Variants in SCFD1 observed in about 807,000 individuals in gnomAD.
SCFD1 encodes the protein sec1 family domain-containing protein 1.
Under a neutral mutation model 103.2 loss-of-function variants are expected in SCFD1, and 37 were observed. That is an observed-to-expected ratio of 0.36 (90% CI 0.28 to 0.47). The LOEUF is 0.47. SCFD1 is among the 20% of genes least tolerant of loss of function. The pLI, the probability that SCFD1 is intolerant of heterozygous loss-of-function variation, is 1.00. For missense variants in SCFD1, 639 were observed against 761.2 expected (o/e 0.84, Z 1.89); for synonymous variants, 264 against 245.0 (o/e 1.08, Z -0.73).
At chr14:30,678,980 C>A (rs17097085) in intron 14 of SCFD1, among the ~76,000 whole-genome samples, 7,466 of 152,260 alleles carry the variant, frequency 0.049, 254 homozygotes, top group African/African-American at 0.08. Context: ...GCAATGCTAG[C>A]TTTTCACTAG....
intron 14 of SCFD1, 80 bp from the exon 15 acceptor site, chr14:30,694,693 A>G: frequency 6.9e-7 from 1 of 1,455,848 alleles, no homozygotes; most frequent in East Asian, 2.7e-5. Context: ...ATCATAGAAA[A>G]TAGAAACTTA....
intron 15 of SCFD1, among the ~76,000 whole-genome samples, chr14:30,698,916 C>T (rs369836872): frequency 2.8e-4 from 42 of 152,262 alleles, no homozygotes; most frequent in African/African-American, 9.6e-5. Context: ...AGCTAGAAGA[C>T]GACCTCCCAG....
At chr14:30,674,951 A>G (rs771657808) in intron 13 of SCFD1, 33 bp from the exon 14 acceptor site, 1 of 1,326,634 alleles carries the variant, frequency 7.5e-7, no homozygotes, top group Non-Finnish European at 1.0e-6. Flanking sequence ...TAGAAAATTT[A>G]TTGGTTAATA....
intron 9 of SCFD1, 87 bp downstream of exon 9, chr14:30,650,737 G>A (rs932599160): frequency 2.6e-6 from 2 of 759,102 alleles, no homozygotes; most frequent in African/African-American, 3.6e-5. Context: ...GAATATCCTT[G>A]TAATTGAAAT....
chr14:30,715,323 G>C (rs1376920872), intron 19 of SCFD1: 1 of 152,148 alleles, frequency 6.6e-6, no homozygotes, highest in Admixed American at 6.5e-5. Context: ...GCTCACGCCT[G>C]TAATCCCAGC....
intron 6 of SCFD1, among the ~76,000 whole-genome samples, chr14:30,640,142 A>G (rs1176176083): frequency 6.6e-6 from 1 of 152,200 alleles, no homozygotes; most frequent in Non-Finnish European, 1.5e-5. Flanking sequence ...ACTCATGGCA[A>G]GTAAGACAAT....
At chr14:30,658,368 G>A (rs990978809) in intron 10 of SCFD1, 2 of 153,090 alleles carry the variant, frequency 1.3e-5, no homozygotes, top group South Asian at 4.1e-4. Flanking sequence ...TGTAAGAGAA[G>A]CATTTTTTTT....
chr14:30,661,034 C>G (rs1887401332), intron 10 of SCFD1, among the ~76,000 whole-genome samples: 1 of 152,146 alleles, frequency 6.6e-6, no homozygotes, highest in Non-Finnish European at 1.5e-5. Flanking sequence ...TTTATTTCTA[C>G]TGGGATACTT....
rs201062979 is a variant in SCFD1, at chr14:30,633,902, A to G, written c.222-45A>G. On this transcript the variant is annotated intron_variant, in intron 3 of 24. Transcript: ENST00000458591. ...TCCCATTTTGAGGAATATTGTTTTA[A>G]ATAAGTGAATAAAAAAATAAGTTTT... 16 of 1,145,594 alleles carry G rather than the reference A, an allele frequency of 1.4e-5. No individual in the cohort carries two copies. In the East Asian group the frequency reaches 3.7e-4, roughly 26 times the overall value. The allele number at this position is 1,145,594 out of a possible 1,614,324, so 71.0% of individuals were successfully genotyped here.
intron 15 of SCFD1, among the ~76,000 whole-genome samples, chr14:30,698,125 AC>A: frequency 6.6e-6 from 1 of 152,358 alleles, no homozygotes; most frequent in Admixed American, 6.5e-5. Context: ...TTCAGGGAGA[AC>A]AAAAGCTCTC....
rs1044389275 is a variant in SCFD1, at chr14:30,641,909, A to G, written c.524-1407A>G. ...CTTTGTAGATAATAGTTTAGACACTAATCTTTCAACATATAGTTATTGATG... is the reference window on the plus strand; with the variant it reads ...CTTTGTAGATAATAGTTTAGACACTGATCTTTCAACATATAGTTATTGATG... On this transcript the variant is annotated intron_variant, in intron 6 of 24. Coordinates refer to ENST00000458591, the MANE Select transcript of SCFD1 (RefSeq NM_016106.4). Among the ~76,000 whole-genome samples, 3 of 152,218 alleles carry G rather than the reference A, an allele frequency of 2.0e-5. 1 individual carries two copies. Among genetic ancestry groups the G allele is most frequent in the Non-Finnish European group, 4.4e-5 (3 of 68,048 alleles).
intron 24 of SCFD1, 54 bp downstream of exon 24, chr14:30,734,912 G>T (rs1440082787): frequency 7.2e-7 from 1 of 1,395,592 alleles, no homozygotes; most frequent in East Asian, 2.3e-5. Context: ...GTTGCTATTG[G>T]TATTTTTCAA....
rs576675222 is a variant in SCFD1 at position 30,666,223 on chromosome 14, A to G, written c.856-4033A>G. 4.6e-5 allele frequency among the ~76,000 whole-genome samples: 7 copies of G among 152,362 alleles called. No individual in the cohort carries two copies. The East Asian group carries it at 1.3e-3, about 29-fold the overall frequency. On this transcript the variant is annotated intron_variant, in intron 10 of 24. Transcript: ENST00000458591. The stretch of plus-strand genomic sequence containing the variant: ...AAACTGTCTCTCAGACCACAGTGCA[A>G]TCAAACTAGAACTCAGGATTAAGAA...
intron 7 of SCFD1, among the ~76,000 whole-genome samples, chr14:30,644,214 G>A (rs1344551060): frequency 3.9e-5 from 6 of 152,128 alleles, no homozygotes; most frequent in African/African-American, 1.4e-4. Flanking sequence ...ATTCCATGAT[G>A]TATGTGTATC....
intron 18 of SCFD1, 136 bp downstream of exon 18, chr14:30,706,021 A>C: frequency 1.6e-6 from 1 of 614,478 alleles, no homozygotes; most frequent in East Asian, 3.0e-5. Context: ...AGATGGCTGA[A>C]GTTCTCCTGG....
intron 7 of SCFD1, among the ~76,000 whole-genome samples, chr14:30,648,573 A>G (rs1234300356): frequency 2.0e-5 from 3 of 152,160 alleles, no homozygotes; most frequent in African/African-American, 7.2e-5. Context: ...CTTTTCTTTT[A>G]AGTCAAATTA....
intron 23 of SCFD1, 80 bp downstream of exon 23, chr14:30,722,639 G>T: frequency 1.3e-6 from 1 of 754,136 alleles, no homozygotes; most frequent in Non-Finnish European, 2.1e-6. Context: ...TGGCTATCCT[G>T]ATCCTTCTAT....
chr14:30,643,474 A>G, intron 7 of SCFD1, 69 bp downstream of exon 7: 1 of 1,070,750 alleles, frequency 9.3e-7, no homozygotes, highest in Non-Finnish European at 1.5e-6. Flanking sequence ...AATGTATTAC[A>G]CTGTAATGTG....
At chr14:30,644,471 G>A (rs574469700) in intron 7 of SCFD1, among the ~76,000 whole-genome samples, 23 of 152,284 alleles carry the variant, frequency 1.5e-4, no homozygotes, top group Admixed American at 1.2e-3. Flanking sequence ...TACCAACAGC[G>A]TATAAGTGTT....
Sources: gnomAD v4.1 joint callset for allele counts (sites outside exome capture counted in the v4.1 genomes callset) on GRCh38, gnomAD v4.1.1 for gene constraint, MANE v1.5 for transcripts, NCBI Gene and HGNC (gene_info 2026-07-23, HGNC 2026-07-21) for gene names.